STAG3: variants seen among roughly 807,000 people sequenced by gnomAD.
STAG3 encodes the protein STAG3 cohesin complex component, also known as cohesin subunit SA-3.
STAG3 carries 101 observed loss-of-function variants against 160.7 expected under a neutral mutation model. The ratio of observed to expected loss-of-function variants is 0.63; its 90% confidence interval spans 0.54 to 0.74. The LOEUF (loss-of-function observed/expected upper bound fraction) is 0.74. STAG3 is among the 30% of genes least tolerant of loss of function. The pLI is 0.00. For synonymous variants in STAG3, 519 were observed against 585.0 expected, an observed-to-expected ratio of 0.89 and a Z score of 1.63; for missense variants, 1,188 against 1,517.4, an observed-to-expected ratio of 0.78 and a Z score of 3.61.
intron 32 of STAG3, 52 bp from the exon 33 acceptor site, chr7:100,213,683 A>C (rs1469390793): frequency 1.9e-6 from 3 of 1,612,252 alleles, no homozygotes; most frequent in Non-Finnish European, 1.7e-6. Flanking sequence ...TTATTTGCGA[A>C]GTGACAGGAG....
Position 100,211,770 on chromosome 7 carries a change from G to C in STAG3, c.3519-25G>C, listed in dbSNP as rs1305613817. Reference sequence around the variant, plus strand: ...GGGTCCTCAAAGAACAGTTTGAAAAGCCAGTCTCTTTGCCCCTACATCAGA... The same window carrying C: ...GGGTCCTCAAAGAACAGTTTGAAAACCCAGTCTCTTTGCCCCTACATCAGA... On this transcript the variant is annotated intron_variant, in intron 31 of 33. Transcript: ENST00000615138. The C allele has an allele frequency of 2.5e-6, 4 of 1,611,874 alleles. 1 individual carries two copies. The Admixed American group carries it at 5.0e-5, about 20-fold the overall frequency.
At chr7:100,205,442 A>G in intron 29 of STAG3, 58 bp downstream of exon 29, 2 of 1,501,324 alleles carry the variant, frequency 1.3e-6, no homozygotes, top group South Asian at 1.3e-5. Flanking sequence ...GCTGCCTGCA[A>G]ACTTATTTTG....
intron 16 of STAG3, 52 bp downstream of exon 16, chr7:100,199,696 C>T: frequency 7.5e-7 from 1 of 1,332,886 alleles, no homozygotes; most frequent in Middle Eastern, 1.9e-4. Flanking sequence ...TCTTGACAGG[C>T]AATGTGCATC....
Position 100,189,706 on chromosome 7 carries a change from A to G in STAG3, c.867+110A>G, listed in dbSNP as rs1800242286. 4.9e-5 allele frequency: 64 copies of G among 1,299,564 alleles called. 1 individual carries two copies. In the South Asian group the frequency reaches 9.1e-4, roughly 18 times the overall value. 80.5% of individuals were successfully genotyped at this position (1,299,564 alleles called of 1,614,324 possible). On this transcript the variant is annotated intron_variant, in intron 8 of 33. Transcript: ENST00000615138. ...AGTCTTTCAAGATCATGAATAATGGAGTCTGGCAATAGTTTCATAGACCCA... is the reference window on the plus strand; with the variant it reads ...AGTCTTTCAAGATCATGAATAATGGGGTCTGGCAATAGTTTCATAGACCCA...
At chr7:100,210,976 C>T in intron 29 of STAG3, 35 bp from the exon 30 acceptor site, 2 of 1,602,078 alleles carry the variant, frequency 1.2e-6, no homozygotes, top group Non-Finnish European at 1.7e-6. Context: ...GTCGCAGGCC[C>T]TGGGCTGTGG....
At chr7:100,179,491 C>G (rs916764361) in intron 1 of STAG3, among the ~76,000 whole-genome samples, 1 of 151,982 alleles carries the variant, frequency 6.6e-6, no homozygotes, top group African/African-American at 2.4e-5. Flanking sequence ...GCCTAAAGTT[C>G]TGGGATTACA....
In STAG3 at chr7:100,180,646, C is replaced by A. The variant is rs191137766; in HGVS notation, c.90C>A (p.Asp30Glu). The change falls in exon 2 of 34, where the codon GAC (aspartate) becomes GAA (glutamate). Residue 30 changes from aspartate to glutamate, a missense_variant. Coordinates refer to ENST00000615138, the MANE Select transcript of STAG3 (RefSeq NM_001282717.2). ...CCTCTGCCAGTCTACCCTTTGATGA[C>A]AGGGACTCAAACCATACCTCAGAGG... is the stretch of plus-strand genomic sequence containing the variant. Reference protein sequence around the residue: ...SSSSASLPFDDRDSNHTSEGN... With the variant: ...SSSSASLPFDERDSNHTSEGN... 164 of 1,611,684 alleles carry A rather than the reference C, an allele frequency of 1.0e-4. No homozygotes were observed. In the East Asian group the frequency reaches 3.6e-3, roughly 36 times the overall value.
At position 100,199,291 on chromosome 7, in the gene STAG3, C is replaced by T. The variant is rs200869015; in HGVS notation, c.1497C>T (p.Asp499=). 8 of 1,614,138 alleles carry T rather than the reference C, an allele frequency of 5.0e-6. No individual in the cohort carries two copies. In the African/African-American group the frequency reaches 8.0e-5, roughly 16 times the overall value. ...ELHDHAAYLV[D]SLWDCAGARL... ...ATGACCACGCTGCTTACTTAGTAGA[C>T]AGTCTGTGGGACTGTGCAGGGGCTC... The change falls in exon 15 of 34, where the codon GAC becomes GAT. Residue 499 remains aspartate, a synonymous_variant. Transcript: ENST00000615138.
rs1318501343 is a variant in STAG3 at position 100,188,845 on chromosome 7, C to T, written c.544C>T (p.Pro182Ser). Reference sequence around the variant, plus strand: ...GGACTACCCTCTCATAGCTCCAGGTCCATCCTGGAAGAAGTTCCAGGGCAG... The same window carrying T: ...GGACTACCCTCTCATAGCTCCAGGTTCATCCTGGAAGAAGTTCCAGGGCAG... Reference protein sequence around the residue: ...SGDYPLIAPGPSWKKFQGSFC... With the variant: ...SGDYPLIAPGSSWKKFQGSFC... Residue 182 changes from proline (P) to serine (S), a missense_variant, in exon 7 of 34, where the codon CCA becomes TCA. Around this residue, in one of 4 missense-constraint regions of STAG3, gnomAD observed 296 missense variants for 404.0 expected, o/e 0.73. Coordinates refer to ENST00000615138, the MANE Select transcript of STAG3 (RefSeq NM_001282717.2). 3 of 1,614,162 alleles carry T rather than the reference C, an allele frequency of 1.9e-6. No individual in the cohort carries two copies. The highest frequency in any genetic ancestry group is 3.3e-5 in the Admixed American group (2 of 60,022).
intron 8 of STAG3, among the ~76,000 whole-genome samples, chr7:100,194,991 A>C (rs1375363246): frequency 2.0e-5 from 3 of 152,320 alleles, no homozygotes; most frequent in Non-Finnish European, 4.4e-5. Flanking sequence ...GTTTAAAAAA[A>C]ATCCACAATG....
At chr7:100,206,947 G>GC (rs1220439543) in intron 29 of STAG3, among the ~76,000 whole-genome samples, 4 of 152,070 alleles carry the variant, frequency 2.6e-5, no homozygotes, top group African/African-American at 9.7e-5. Context: ...CTCTTGATTT[G>GC]CCTACTCTGG....
downstream of STAG3, among the ~76,000 whole-genome samples, chr7:100,215,844 A>G (rs1220520385): frequency 6.6e-6 from 1 of 152,092 alleles, no homozygotes; most frequent in African/African-American, 2.4e-5. Flanking sequence ...AGATGATAGA[A>G]ATGATGCCAT....
At chr7:100,186,489 C>CAGGT (rs1304053394) in intron 5 of STAG3, among the ~76,000 whole-genome samples, 193 bp downstream of exon 5, 1 of 152,114 alleles carries the variant, frequency 6.6e-6, no homozygotes, top group Non-Finnish European at 1.5e-5. Context: ...GAAGCTGAGG[C>CAGGT]AGGTGGATCA....
At chr7:100,201,221 C>T in intron 20 of STAG3, 43 bp from the exon 21 acceptor site, 1 of 1,613,824 alleles carries the variant, frequency 6.2e-7, no homozygotes, top group Non-Finnish European at 8.5e-7. Context: ...AGTTGGTTCC[C>T]TCTGTTCTTT....
intron 10 of STAG3, 149 bp downstream of exon 10, chr7:100,197,428 C>G (rs1237148556): frequency 4.6e-6 from 5 of 1,091,682 alleles, no homozygotes; most frequent in Non-Finnish European, 7.0e-6. Flanking sequence ...ATTCCCCTAG[C>G]ACTGGGGAGA....
At chr7:100,182,222 A>C (rs1487025107) in intron 3 of STAG3, 30 bp downstream of exon 3, 1 of 1,545,366 alleles carries the variant, frequency 6.5e-7, no homozygotes, top group South Asian at 1.1e-5. Context: ...TTTGTTTTTG[A>C]ATCTTGTGGG....
At chr7:100,204,509 AAGT>A (rs1801447125) in intron 26 of STAG3, 115 bp from the exon 27 acceptor site, 1 of 1,273,446 alleles carries the variant, frequency 7.9e-7, no homozygotes, top group African/African-American at 1.5e-5. Flanking sequence ...GAAAGAGTAA[AAGT>A]AGTAGATGGT....
chr7:100,196,282 CT>C lies in STAG3; in HGVS notation c.942-862del, dbSNP rs1297771936. On this transcript the variant is annotated intron_variant, in intron 9 of 33. Coordinates refer to ENST00000615138, the MANE Select transcript of STAG3 (RefSeq NM_001282717.2). ...ACACTTTGGCCAACAGTTGAATTAA[CT>C]TTTTTTTTTTTGGCAGGGACGGAGT... Among the ~76,000 whole-genome samples the C allele has an allele frequency of 4.0e-3, 590 of 147,080 alleles. 5 individuals are homozygous for C. The highest frequency in any genetic ancestry group is 0.025 in the South Asian group (117 of 4,640).
chr7:100,184,225 C>T (rs1799829903), intron 4 of STAG3, among the ~76,000 whole-genome samples: 1 of 150,946 alleles, frequency 6.6e-6, no homozygotes, highest in Admixed American at 6.6e-5. Flanking sequence ...GAGATTGTGC[C>T]ACGGCACTCC....
Sources: allele counts gnomAD v4.1 joint callset (sites outside exome capture counted in the v4.1 genomes callset), GRCh38; gene constraint gnomAD v4.1.1; regional missense constraint gnomAD v4.1.1; transcripts MANE v1.5; gene names NCBI Gene and HGNC (gene_info 2026-07-23, HGNC 2026-07-21).